The following KSR2 variants were observed in gnomAD, a reference collection of about 807,000 sequenced individuals.
KSR2 encodes kinase suppressor of ras 2.
A neutral mutation model predicts 107.8 loss-of-function variants in KSR2; 25 were observed. That is an observed-to-expected ratio of 0.23 (90% CI 0.17 to 0.32). The LOEUF (loss-of-function observed/expected upper bound fraction) is 0.32. Among genes scored for constraint, KSR2 ranks in the 10% least tolerant of loss-of-function variants. KSR2 has a pLI of 1.00. For synonymous variants in KSR2, 480 were observed against 507.0 expected (o/e 0.95, Z 0.71); for missense variants, 887 against 1,268.9 (o/e 0.70, Z 4.57).
intron 5 of KSR2, among the ~76,000 whole-genome samples, chr12:117,616,438 G>A (rs1881894823): frequency 6.6e-6 from 1 of 152,156 alleles, no homozygotes; most frequent in Non-Finnish European, 1.5e-5. Context: ...GGGATGCTGG[G>A]TTCCTATGCC....
intron 3 of KSR2, among the ~76,000 whole-genome samples, chr12:117,846,939 G>C (rs1029751989): frequency 5.3e-5 from 8 of 152,214 alleles, no homozygotes; most frequent in African/African-American, 1.9e-4. Flanking sequence ...TGACACAGGG[G>C]GAGTTCCAAC....
At chr12:117,538,924 G>A (rs1049015501) in intron 10 of KSR2, among the ~76,000 whole-genome samples, 7 of 152,076 alleles carry the variant, frequency 4.6e-5, no homozygotes, top group Non-Finnish European at 1.0e-4. Flanking sequence ...GAGGAACCGG[G>A]CCAGGCTGGA....
At chr12:117,931,841 C>A (rs979088586) in intron 1 of KSR2, among the ~76,000 whole-genome samples, 6 of 152,168 alleles carry the variant, frequency 3.9e-5, no homozygotes, top group African/African-American at 1.4e-4. Context: ...ACATACAGGA[C>A]ACTGAGCTGA....
intron 14 of KSR2, among the ~76,000 whole-genome samples, chr12:117,496,052 CAAA>C (rs33974181): frequency 0.097 from 10,954 of 113,180 alleles, 550 homozygotes; most frequent in African/African-American, 0.18. Context: ...GACTCCGTCT[CAAA>C]AAAAAAAAAA....
In KSR2 at chr12:117,820,107, C is replaced by A. The variant is rs116451516; in HGVS notation, c.472+35321G>T. 8.7e-3 allele frequency among the ~76,000 whole-genome samples: 1,317 copies of A among 152,186 alleles called. 18 individuals are homozygous for A. Among genetic ancestry groups the A allele is most frequent in the African/African-American group, 0.03 (1,256 of 41,526 alleles). On this transcript the variant is annotated intron_variant, in intron 3 of 19. Transcript: ENST00000339824. ...TTTTCAAAATTTTCACAAACAAAAACCATTTTAATATCAAAAAGAGAAATG... is the reference window on the plus strand; with the variant it reads ...TTTTCAAAATTTTCACAAACAAAAAACATTTTAATATCAAAAAGAGAAATG...
At chr12:117,953,992 A>T (rs1048507518) in intron 1 of KSR2, among the ~76,000 whole-genome samples, 2 of 152,104 alleles carry the variant, frequency 1.3e-5, no homozygotes, top group Admixed American at 6.6e-5. Context: ...CAGGAGGCTG[A>T]GGCAGGACAA....
In KSR2 at chr12:117,502,174, C is replaced by T. The variant is rs116473281; in HGVS notation, c.2220-16483G>A. On this transcript the variant is annotated intron_variant, in intron 14 of 19. Transcript: ENST00000339824. Reference sequence around the variant, plus strand: ...GTCTGCGTCTGTGACTATTTATGCACACATGAACACACATAAAGACATGTC... The same window carrying T: ...GTCTGCGTCTGTGACTATTTATGCATACATGAACACACATAAAGACATGTC... 4.8e-3 allele frequency among the ~76,000 whole-genome samples: 733 copies of T among 152,344 alleles called. 5 individuals carry two copies. Among genetic ancestry groups the T allele is most frequent in the African/African-American group, 0.016 (685 of 41,572 alleles).
chr12:117,479,272 T>G (rs1383092229), intron 16 of KSR2, among the ~76,000 whole-genome samples: 1 of 152,222 alleles, frequency 6.6e-6, no homozygotes, highest in African/African-American at 2.4e-5. Context: ...TAATTGCATT[T>G]GGATGGTGGC....
Position 117,897,195 on chromosome 12 carries a change from A to G in KSR2, c.181-36764T>C, listed in dbSNP as rs964826961. Among the ~76,000 whole-genome samples the G allele has an allele frequency of 6.6e-6, 1 of 152,232 alleles. No homozygotes were observed. Among genetic ancestry groups the G allele is most frequent in the African/African-American group, 2.4e-5 (1 of 41,452 alleles). ...TAACATCCAGCTCCCAAGCTGTGAC[A>G]GATGCCAGTTTCAGGCCATATTATG... is the stretch of plus-strand genomic sequence containing the variant. On this transcript the variant is annotated intron_variant, in intron 1 of 19. Transcript: ENST00000339824. This position sits in a 1 kb window ranked among gnomAD's most constrained non-coding sequence, Gnocchi z 4.5.
intron 14 of KSR2, among the ~76,000 whole-genome samples, chr12:117,514,489 T>C (rs1022791760): frequency 2.6e-5 from 4 of 152,078 alleles, no homozygotes; most frequent in Middle Eastern, 3.5e-3. Context: ...TCAAGTTCCT[T>C]AGCCTGACTT....
intron 5 of KSR2, among the ~76,000 whole-genome samples, chr12:117,628,864 C>T (rs567481993): frequency 7.9e-5 from 12 of 152,376 alleles, no homozygotes; most frequent in African/African-American, 2.6e-4. Flanking sequence ...CCGCCCAGTT[C>T]GAGCTTCCCA....
intron 5 of KSR2, among the ~76,000 whole-genome samples, chr12:117,604,298 G>C (rs1458008381): frequency 1.3e-5 from 2 of 152,092 alleles, no homozygotes; most frequent in Non-Finnish European, 2.9e-5. Context: ...ACACTTCCCA[G>C]CATGTCAGAA....
In KSR2 at chr12:117,634,922, G is replaced by A. The variant is rs538682743; in HGVS notation, c.1171+32552C>T. 2.6e-5 allele frequency among the ~76,000 whole-genome samples: 4 copies of A among 152,298 alleles called. No homozygotes were observed. In the South Asian group the frequency reaches 8.3e-4, roughly 32 times the overall value. On this transcript the variant is annotated intron_variant, in intron 5 of 19. Coordinates refer to ENST00000339824, the MANE Select transcript of KSR2 (RefSeq NM_173598.6). ...ATCCAGCCTAAGCCCACCCAGCAGAGGTTAGGGAGGCCCAAATGCAATGGC... is the reference window on the plus strand; with the variant it reads ...ATCCAGCCTAAGCCCACCCAGCAGAAGTTAGGGAGGCCCAAATGCAATGGC...
intron 5 of KSR2, among the ~76,000 whole-genome samples, chr12:117,664,705 G>A (rs1884582589): frequency 6.6e-6 from 1 of 152,136 alleles, no homozygotes; most frequent in African/African-American, 2.4e-5. Context: ...GACCCAGATA[G>A]AGGAAGGAAC....
At chr12:117,564,131 G>A (rs991616581) in intron 7 of KSR2, among the ~76,000 whole-genome samples, 1 of 152,176 alleles carries the variant, frequency 6.6e-6, no homozygotes, top group Admixed American at 6.5e-5. Context: ...TCCCGAAGGA[G>A]GAAGGGAAGA....
At chr12:117,885,428 G>A (rs1206233458) in intron 1 of KSR2, among the ~76,000 whole-genome samples, 1 of 152,146 alleles carries the variant, frequency 6.6e-6, no homozygotes, top group Non-Finnish European at 1.5e-5. Flanking sequence ...CAGGAAAGGT[G>A]GAGCCAGAAG....
At chr12:117,656,980 G>GTATATATA (rs1884194868) in intron 5 of KSR2, among the ~76,000 whole-genome samples, 4 of 50,540 alleles carry the variant, frequency 7.9e-5, no homozygotes, top group African/African-American at 1.5e-4. Flanking sequence ...ATATATAATA[G>GTATATATA]GATATATATA....
chr12:117,781,148 G>A (rs906955836), intron 3 of KSR2, among the ~76,000 whole-genome samples: 1 of 152,148 alleles, frequency 6.6e-6, no homozygotes, highest in Non-Finnish European at 1.5e-5. Context: ...CCCTGCACAC[G>A]CTCTCTCTTG....
In KSR2 at chr12:117,898,371, G is replaced by T. The variant is rs1894579119; in HGVS notation, c.181-37940C>A. On this transcript the variant is annotated intron_variant, in intron 1 of 19. Transcript: ENST00000339824. The stretch of plus-strand genomic sequence containing the variant: ...TTTTGAGACAGGGTCTTGCTCTGTT[G>T]CCCAGGCTGGAGTGAAGTGGTACAA... Among the ~76,000 whole-genome samples the T allele has an allele frequency of 2.0e-5, 3 of 147,414 alleles. No individual in the cohort carries two copies. The South Asian group carries it at 6.4e-4, about 32-fold the overall frequency.
Sources: gnomAD v4.1 joint callset for allele counts (sites outside exome capture counted in the v4.1 genomes callset) on GRCh38, gnomAD v4.1.1 for gene constraint, Gnocchi (gnomAD v3.1) non-coding constraint, MANE v1.5 for transcripts, NCBI Gene and HGNC (gene_info 2026-07-23, HGNC 2026-07-21) for gene names.